Variants in KCNH1 observed in about 807,000 individuals in gnomAD.
KCNH1 encodes potassium voltage-gated channel subfamily H member 1.
Under a neutral mutation model 69.2 loss-of-function variants are expected in KCNH1, and 27 were observed. That is an observed-to-expected ratio of 0.39 (90% CI 0.29 to 0.54). The LOEUF (loss-of-function observed/expected upper bound fraction) is 0.54, where lower values mean the gene tolerates loss of function less well. Ranked by LOEUF, KCNH1 falls within the 20% of genes least tolerant of loss-of-function variation. The probability of loss-of-function intolerance (pLI) is 0.68; values close to 1 mark genes in which losing one functional copy is unlikely to be tolerated. For synonymous variants in KCNH1, 456 were observed against 487.7 expected (o/e 0.93, Z 0.86); for missense variants, 798 against 1,261.6 (o/e 0.63, Z 5.57).
intron 10 of KCNH1, among the ~76,000 whole-genome samples, chr1:210,732,179 T>C (rs1682763442): frequency 1.3e-5 from 2 of 151,724 alleles, no homozygotes; most frequent in Non-Finnish European, 2.9e-5. Context: ...AAATTTGTTT[T>C]ACAGGAACTG....
At chr1:210,789,575 T>C (rs1406046143) in intron 9 of KCNH1, among the ~76,000 whole-genome samples, 1 of 152,234 alleles carries the variant, frequency 6.6e-6, no homozygotes, top group Non-Finnish European at 1.5e-5. Flanking sequence ...AATGTGAAAT[T>C]TGAAATAATG....
At chr1:210,795,234 T>C (rs56849437) in intron 9 of KCNH1, among the ~76,000 whole-genome samples, 5,976 of 152,196 alleles carry the variant, frequency 0.039, 232 homozygotes, top group East Asian at 0.14. Flanking sequence ...CACGTCTCAC[T>C]GCAACCTCCG....
chr1:210,834,093 T>C (rs1685227422), intron 7 of KCNH1, among the ~76,000 whole-genome samples: 1 of 152,098 alleles, frequency 6.6e-6, no homozygotes, highest in South Asian at 2.1e-4. Context: ...GGTGGGACTG[T>C]AAACTAGTTC....
chr1:210,821,807 TA>T (rs1684935073), intron 7 of KCNH1, among the ~76,000 whole-genome samples: 2 of 25,656 alleles, frequency 7.8e-5, no homozygotes, highest in African/African-American at 1.7e-4. Context: ...TCCAGCTATT[TA>T]TTTATTTATT....
intron 6 of KCNH1, among the ~76,000 whole-genome samples, chr1:210,992,995 G>C (rs1437173369): frequency 6.6e-6 from 1 of 152,058 alleles, no homozygotes; most frequent in Non-Finnish European, 1.5e-5. Context: ...TGTCTCTGAG[G>C]CAGGTCATGC....
At chr1:210,893,168 A>G (rs1186516867) in intron 7 of KCNH1, among the ~76,000 whole-genome samples, 1 of 152,180 alleles carries the variant, frequency 6.6e-6, no homozygotes, top group African/African-American at 2.4e-5. Flanking sequence ...TCTGAAAGAC[A>G]TCTGTTTACA....
intron 7 of KCNH1, among the ~76,000 whole-genome samples, chr1:210,848,852 T>C (rs1386571186): frequency 2.0e-5 from 3 of 152,156 alleles, no homozygotes; most frequent in Non-Finnish European, 2.9e-5. Flanking sequence ...GATTCCTTAA[T>C]TGCATGTGTG....
intron 1 of KCNH1, among the ~76,000 whole-genome samples, chr1:211,120,175 T>C (rs1205955704): frequency 6.6e-6 from 1 of 151,760 alleles, no homozygotes; most frequent in Non-Finnish European, 1.5e-5. Flanking sequence ...TTGAATTGAT[T>C]GATTATATAT....
chr1:211,001,377 A>C (rs1030170070), intron 6 of KCNH1, among the ~76,000 whole-genome samples: 2 of 152,246 alleles, frequency 1.3e-5, no homozygotes, highest in Middle Eastern at 3.2e-3. Flanking sequence ...ACTTCTCAAA[A>C]GAAGACATTT....
At chr1:211,066,797 A>G (rs1360486522) in intron 5 of KCNH1, among the ~76,000 whole-genome samples, 1 of 152,234 alleles carries the variant, frequency 6.6e-6, no homozygotes, top group Non-Finnish European at 1.5e-5. Flanking sequence ...CTGTTTCAGC[A>G]CACTATCCCT....
intron 9 of KCNH1, among the ~76,000 whole-genome samples, chr1:210,777,252 T>C (rs1188933882): frequency 2.0e-5 from 3 of 152,228 alleles, no homozygotes; most frequent in Admixed American, 1.3e-4. Context: ...ATGTAAGATA[T>C]CTGTGGGCAC....
chr1:210,954,507 T>A (rs144787791), intron 6 of KCNH1, among the ~76,000 whole-genome samples: 5,763 of 152,288 alleles, frequency 0.038, 219 homozygotes, highest in South Asian at 0.12. Flanking sequence ...TTGAACTAAT[T>A]TACACTCCCA....
intron 10 of KCNH1, among the ~76,000 whole-genome samples, chr1:210,733,949 T>TCTCA (rs1491127731): frequency 5.0e-5 from 4 of 80,450 alleles, no homozygotes; most frequent in African/African-American, 1.9e-4. Flanking sequence ...TCTGTCTGTC[T>TCTCA]CACACACACA....
chr1:210,806,135 T>C (rs1322557776), intron 7 of KCNH1, among the ~76,000 whole-genome samples: 1 of 152,228 alleles, frequency 6.6e-6, no homozygotes, highest in Non-Finnish European at 1.5e-5. Flanking sequence ...TTGGAGAAAT[T>C]GCAGAATTGA....
intron 8 of KCNH1, among the ~76,000 whole-genome samples, chr1:210,800,586 A>C (rs946032582): frequency 1.3e-5 from 2 of 152,182 alleles, no homozygotes; most frequent in Non-Finnish European, 2.9e-5. Context: ...AGACTGTCAC[A>C]GCCATCAGTC....
At chr1:210,873,183 C>T (rs1434295354) in intron 7 of KCNH1, among the ~76,000 whole-genome samples, 1 of 152,100 alleles carries the variant, frequency 6.6e-6, no homozygotes, top group Non-Finnish European at 1.5e-5. Context: ...TTATTCATTC[C>T]CATGCAATGG....
chr1:211,061,960 A>G (rs1690440103), intron 5 of KCNH1, among the ~76,000 whole-genome samples: 1 of 152,314 alleles, frequency 6.6e-6, no homozygotes, highest in East Asian at 1.9e-4. Context: ...AAATACAAAA[A>G]TTAATCCTAA....
rs185963281 is a variant in KCNH1, at chr1:210,951,891, C to A, written c.1033-31822G>T. On this transcript the variant is annotated intron_variant, in intron 6 of 10. Coordinates refer to ENST00000271751, the MANE Select transcript of KCNH1 (RefSeq NM_172362.3). The stretch of plus-strand genomic sequence containing the variant: ...TGTCTTTTCTAGAACGTTCTCCTTA[C>A]TCCCTCATGCAAAAGCCTTTCTTCT... Among the ~76,000 whole-genome samples the A allele has an allele frequency of 2.6e-5, 4 of 152,256 alleles. No individual in the cohort carries two copies. The East Asian group carries it at 5.8e-4, about 22-fold the overall frequency.
chr1:210,944,415 C>T (rs115686112), intron 6 of KCNH1, among the ~76,000 whole-genome samples: 1,724 of 152,338 alleles, frequency 0.011, 35 homozygotes, highest in African/African-American at 0.039. Context: ...CACAGCTCCC[C>T]AGGCCAGAAA....
Sources: gnomAD v4.1 joint callset for allele counts (sites outside exome capture counted in the v4.1 genomes callset) on GRCh38, gnomAD v4.1.1 for gene constraint, MANE v1.5 for transcripts, NCBI Gene and HGNC (gene_info 2026-07-23, HGNC 2026-07-21) for gene names.